KCNK13: variants seen among roughly 807,000 people sequenced by gnomAD.
KCNK13 encodes potassium channel subfamily K member 13.
A neutral mutation model predicts 23.4 loss-of-function variants in KCNK13; 12 were observed. That is an observed-to-expected ratio of 0.51 (90% CI 0.33 to 0.83). The LOEUF (loss-of-function observed/expected upper bound fraction) is 0.83. Ranked by LOEUF, KCNK13 falls within the 40% of genes least tolerant of loss-of-function variation. The pLI is 0.02. For synonymous variants in KCNK13, 231 were observed against 229.5 expected, an observed-to-expected ratio of 1.01 and a Z score of -0.06; for missense variants, 463 against 556.3, an observed-to-expected ratio of 0.83 and a Z score of 1.69.
Position 90,165,921 on chromosome 14 carries a change from C to T in KCNK13, c.335-18190C>T, listed in dbSNP as rs181057397. Among the ~76,000 whole-genome samples the T allele has an allele frequency of 1.1e-3, 175 of 152,310 alleles. 2 individuals are homozygous for T. In the South Asian group the frequency reaches 0.016, roughly 14 times the overall value. On this transcript the variant is annotated intron_variant, in intron 1 of 1. Coordinates refer to ENST00000282146, the MANE Select transcript of KCNK13 (RefSeq NM_022054.4). ...AAATGAAACGTTTTGAATTCCTCTT[C>T]GCAAGCTGATGCACTCTGATTCCCA...
At chr14:90,102,046 G>A (rs968799789) in intron 1 of KCNK13, among the ~76,000 whole-genome samples, 1 of 151,800 alleles carries the variant, frequency 6.6e-6, no homozygotes, top group Non-Finnish European at 1.5e-5. Context: ...ACCACACCCG[G>A]CTAATTTTAT....
chr14:90,102,212 C>T (rs1889490182), intron 1 of KCNK13, among the ~76,000 whole-genome samples: 3 of 152,088 alleles, frequency 2.0e-5, no homozygotes, highest in Admixed American at 2.0e-4. Context: ...AAAGAAATCC[C>T]CCCATTGAAA....
In KCNK13 at chr14:90,062,628, ATCC is replaced by A; in HGVS notation, c.334+90_334+92del. The A allele has an allele frequency of 9.8e-7, 1 of 1,017,152 alleles. No homozygotes were observed. Among genetic ancestry groups the A allele is most frequent in the South Asian group, 2.0e-5 (1 of 50,706 alleles). 63.0% of individuals were successfully genotyped at this position (1,017,152 alleles called of 1,614,324 possible). A position where few individuals can be genotyped will look rare whatever the true frequency, so the allele number is the denominator to read the frequency against. ...GACCGACCCTCTCATCCTTTCATTC[ATCC>A]ATCTGGGCGCCCAGCCAGACTCCAC... On this transcript the variant is annotated intron_variant, in intron 1 of 1. Coordinates refer to ENST00000282146, the MANE Select transcript of KCNK13 (RefSeq NM_022054.4). The surrounding 1 kb of genome is among the most constrained non-coding windows in gnomAD (Gnocchi z 4.5).
At chr14:90,151,516 G>A (rs78987479) in intron 1 of KCNK13, among the ~76,000 whole-genome samples, 9,890 of 152,118 alleles carry the variant, frequency 0.065, 413 homozygotes, top group South Asian at 0.21. Flanking sequence ...AGTTCCTTAT[G>A]TATTTTGGAT....
intron 1 of KCNK13, among the ~76,000 whole-genome samples, chr14:90,122,920 TCA>T (rs528257295): frequency 1.3e-5 from 2 of 152,262 alleles, no homozygotes; most frequent in South Asian, 2.1e-4. Flanking sequence ...CACGGTTCCG[TCA>T]CACACTATCT....
chr14:90,147,003 G>A (rs968647634), intron 1 of KCNK13, among the ~76,000 whole-genome samples: 2 of 151,984 alleles, frequency 1.3e-5, no homozygotes, highest in Admixed American at 6.6e-5. Context: ...AAGGCTTAAG[G>A]TTTATAATAT....
chr14:90,089,848 C>G (rs1233294363), intron 1 of KCNK13, among the ~76,000 whole-genome samples: 1 of 152,226 alleles, frequency 6.6e-6, no homozygotes, highest in Non-Finnish European at 1.5e-5. Flanking sequence ...GTGCAAGCCC[C>G]AAGCCTTGGT....
chr14:90,159,946 GGTGT>G (rs3060015), intron 1 of KCNK13, among the ~76,000 whole-genome samples: 15,628 of 148,180 alleles, frequency 0.11, 862 homozygotes, highest in East Asian at 0.19. Context: ...TGTGTGTAGG[GGTGT>G]GTGTGTGTGT....
At chr14:90,120,011 C>G (rs967351554) in intron 1 of KCNK13, among the ~76,000 whole-genome samples, 1 of 151,946 alleles carries the variant, frequency 6.6e-6, no homozygotes, top group African/African-American at 2.4e-5. Context: ...ATTTCATCAC[C>G]CAGGTACTAA....
chr14:90,134,292 G>T (rs941737387), intron 1 of KCNK13, among the ~76,000 whole-genome samples: 1 of 152,144 alleles, frequency 6.6e-6, no homozygotes, highest in African/African-American at 2.4e-5. Flanking sequence ...ATGCATTGTT[G>T]CCTCTAGAAA....
intron 1 of KCNK13, among the ~76,000 whole-genome samples, chr14:90,163,303 ATTTT>A (rs1399389759): frequency 6.6e-6 from 1 of 152,246 alleles, no homozygotes; most frequent in Admixed American, 6.5e-5. Context: ...AGGTGAATTC[ATTTT>A]AGAGCCTATT....
At chr14:90,157,977 A>T (rs56998328) in intron 1 of KCNK13, among the ~76,000 whole-genome samples, 1,637 of 152,304 alleles carry the variant, frequency 0.011, 30 homozygotes, top group African/African-American at 0.037. Flanking sequence ...CTGGGATTAC[A>T]GGTGTGAGCC....
At chr14:90,096,269 C>G (rs1889409564) in intron 1 of KCNK13, among the ~76,000 whole-genome samples, 1 of 152,198 alleles carries the variant, frequency 6.6e-6, no homozygotes, top group African/African-American at 2.4e-5. Context: ...AGTCCCAACT[C>G]TCTAATCATG....
intron 1 of KCNK13, among the ~76,000 whole-genome samples, chr14:90,169,731 C>T (rs1406317483): frequency 3.3e-5 from 5 of 152,244 alleles, no homozygotes; most frequent in African/African-American, 4.8e-5. Flanking sequence ...ATACATATCC[C>T]GAGGTACTTA....
intron 1 of KCNK13, among the ~76,000 whole-genome samples, chr14:90,131,027 T>C (rs1474009885): frequency 1.3e-5 from 2 of 152,096 alleles, no homozygotes; most frequent in Admixed American, 1.3e-4. Flanking sequence ...TCCTCATCTA[T>C]GAATTTGGAT....
intron 1 of KCNK13, among the ~76,000 whole-genome samples, chr14:90,173,315 C>T (rs1890385966): frequency 6.6e-6 from 1 of 152,100 alleles, no homozygotes; most frequent in African/African-American, 2.4e-5. Context: ...TATGATTGCA[C>T]CACTGCACTC....
intron 1 of KCNK13, among the ~76,000 whole-genome samples, chr14:90,135,099 C>G (rs968423400): frequency 3.9e-5 from 6 of 152,206 alleles, no homozygotes; most frequent in African/African-American, 1.4e-4. Flanking sequence ...CCTAGTGGCC[C>G]ACTTGGGGAA....
intron 1 of KCNK13, among the ~76,000 whole-genome samples, chr14:90,149,601 A>G (rs1890112132): frequency 6.6e-6 from 1 of 152,168 alleles, no homozygotes; most frequent in Admixed American, 6.5e-5. Flanking sequence ...AGTCCCTCCC[A>G]CAACATGTGG....
intron 1 of KCNK13, among the ~76,000 whole-genome samples, chr14:90,129,268 G>T (rs1045429704): frequency 1.3e-5 from 2 of 152,150 alleles, no homozygotes; most frequent in Admixed American, 1.3e-4. Flanking sequence ...TGGGGGCACT[G>T]GGGCTTTTTT....
Sources: allele counts gnomAD v4.1 joint callset (sites outside exome capture counted in the v4.1 genomes callset), GRCh38; gene constraint gnomAD v4.1.1; non-coding constraint Gnocchi (gnomAD v3.1); transcripts MANE v1.5; gene names NCBI Gene and HGNC (gene_info 2026-07-23, HGNC 2026-07-21).